ZNF704: variants seen among roughly 807,000 people sequenced by gnomAD.
ZNF704 encodes glucocorticoid induced gene 1.
In ZNF704, 10 loss-of-function variants were observed where a neutral mutation model predicts 44.7. The ratio of observed to expected loss-of-function variants is 0.22; its 90% confidence interval spans 0.14 to 0.38. ZNF704 has a LOEUF of 0.38. ZNF704 is among the 10% of genes least tolerant of loss of function. The pLI, the probability that ZNF704 is intolerant of heterozygous loss-of-function variation, is 1.00. For synonymous variants in ZNF704, 211 were observed against 207.6 expected (o/e 1.02, Z -0.14); for missense variants, 390 against 545.5 (o/e 0.71, Z 2.84).
At chr8:80,729,462 C>T (rs1331143301) in intron 2 of ZNF704, among the ~76,000 whole-genome samples, 1 of 152,110 alleles carries the variant, frequency 6.6e-6, no homozygotes, top group East Asian at 1.9e-4. Flanking sequence ...GCAGAAGGAG[C>T]TCAATAATGG....
intron 4 of ZNF704, among the ~76,000 whole-genome samples, chr8:80,676,926 G>T (rs1256934424): frequency 6.6e-6 from 1 of 152,230 alleles, no homozygotes; most frequent in African/African-American, 2.4e-5. Context: ...TGTGTGGCGG[G>T]GTTCCTAACC....
intron 2 of ZNF704, among the ~76,000 whole-genome samples, chr8:80,764,317 T>G (rs909201320): frequency 1.3e-5 from 2 of 152,148 alleles, no homozygotes; most frequent in African/African-American, 4.8e-5. Flanking sequence ...TCAGGAAACT[T>G]AGAGTCATGG....
At chr8:80,723,803 T>C (rs1433467496) in intron 2 of ZNF704, among the ~76,000 whole-genome samples, 2 of 152,206 alleles carry the variant, frequency 1.3e-5, no homozygotes, top group Non-Finnish European at 2.9e-5. Context: ...AGACCACCAA[T>C]CTAGAACAGC....
intron 7 of ZNF704, among the ~76,000 whole-genome samples, chr8:80,652,289 C>T (rs1817935142): frequency 6.6e-6 from 1 of 152,088 alleles, no homozygotes; most frequent in East Asian, 1.9e-4. Flanking sequence ...CATTCAAAAG[C>T]TAGCAGAAGG....
At chr8:80,795,053 T>C (rs1203240331) in intron 2 of ZNF704, among the ~76,000 whole-genome samples, 2 of 152,222 alleles carry the variant, frequency 1.3e-5, no homozygotes, top group African/African-American at 4.8e-5. Flanking sequence ...CGACAGATTT[T>C]ATTTCCTGGA....
intron 1 of ZNF704, among the ~76,000 whole-genome samples, chr8:80,850,348 T>G (rs1241116719): frequency 1.3e-5 from 2 of 152,212 alleles, no homozygotes; most frequent in Non-Finnish European, 2.9e-5. Context: ...GAACTCCATT[T>G]TAAAATCTCA....
chr8:80,751,959 G>T (rs577902029), intron 2 of ZNF704, among the ~76,000 whole-genome samples: 1 of 152,126 alleles, frequency 6.6e-6, no homozygotes, highest in South Asian at 2.1e-4. Context: ...GGCCAGGCTG[G>T]TCTCAAACTC....
chr8:80,746,665 T>C (rs772786473), intron 2 of ZNF704, among the ~76,000 whole-genome samples: 1 of 152,070 alleles, frequency 6.6e-6, no homozygotes, highest in African/African-American at 2.4e-5. Context: ...CTTTTACAAG[T>C]CCAATGGGGG....
intron 2 of ZNF704, among the ~76,000 whole-genome samples, chr8:80,804,286 A>G (rs1426411046): frequency 6.6e-6 from 1 of 152,198 alleles, no homozygotes; most frequent in African/African-American, 2.4e-5. Flanking sequence ...CAGACCTAGA[A>G]GCAGACATAC....
At chr8:80,676,314 T>A (rs1207711534) in intron 4 of ZNF704, among the ~76,000 whole-genome samples, 1 of 152,098 alleles carries the variant, frequency 6.6e-6, no homozygotes, top group Non-Finnish European at 1.5e-5. Context: ...TCTATGCTGA[T>A]GGGAGTGACT....
intron 1 of ZNF704, among the ~76,000 whole-genome samples, chr8:80,833,990 A>AG (rs1808514939): frequency 6.6e-6 from 1 of 152,176 alleles, no homozygotes; most frequent in Non-Finnish European, 1.5e-5. Context: ...TTCTAATGTC[A>AG]GAGGTCCTAT....
intron 2 of ZNF704, among the ~76,000 whole-genome samples, chr8:80,733,024 T>C (rs1352914532): frequency 1.3e-5 from 2 of 151,606 alleles, no homozygotes; most frequent in Non-Finnish European, 2.9e-5. Context: ...TAATCTTTCC[T>C]ATGAGAAAGA....
At chr8:80,882,633 A>G in the ZNF704 span, among the ~76,000 whole-genome samples, 1 of 152,156 alleles carries the variant, frequency 6.6e-6, no homozygotes, top group East Asian at 1.9e-4. Flanking sequence ...TTTACAAATT[A>G]TTCCTGTTTT....
chr8:80,771,965 T>C (rs1464720315), intron 2 of ZNF704, among the ~76,000 whole-genome samples: 8 of 152,246 alleles, frequency 5.3e-5, no homozygotes, highest in Admixed American at 5.2e-4. Context: ...CTTTAGCCTA[T>C]TAATGTGGTG....
At chr8:80,744,451 T>A (rs915670608) in intron 2 of ZNF704, among the ~76,000 whole-genome samples, 20 of 152,310 alleles carry the variant, frequency 1.3e-4, no homozygotes, top group African/African-American at 4.6e-4. Flanking sequence ...CACAAACTGC[T>A]AATCACATCA....
intron 1 of ZNF704, among the ~76,000 whole-genome samples, chr8:80,864,885 A>G (rs1384347172): frequency 6.6e-6 from 1 of 152,150 alleles, no homozygotes; most frequent in East Asian, 1.9e-4. Flanking sequence ...CCTTTTGGAT[A>G]ACAGCCAGGT....
Position 80,688,375 on chromosome 8 carries a change from T to C in ZNF704, c.326-917A>G, listed in dbSNP as rs373895765. 2.6e-5 allele frequency among the ~76,000 whole-genome samples: 4 copies of C among 152,350 alleles called. No homozygotes were observed. The East Asian group carries it at 7.7e-4, about 29-fold the overall frequency. ...CAACAAATAGTAATGCCTTACATTT[T>C]GTGAGTGTTTTACATTTTACAAAGC... On this transcript the variant is annotated intron_variant, in intron 3 of 8. Coordinates refer to ENST00000327835, the MANE Select transcript of ZNF704 (RefSeq NM_001033723.3).
chr8:80,847,726 TAACA>T (rs571264765), intron 1 of ZNF704, among the ~76,000 whole-genome samples: 227 of 152,042 alleles, frequency 1.5e-3, no homozygotes, highest in African/African-American at 5.3e-3. Context: ...AAGAGTGTTT[TAACA>T]AACAGTCTGA....
chr8:80,677,969 T>C (rs1363948738), intron 4 of ZNF704, among the ~76,000 whole-genome samples: 1 of 152,224 alleles, frequency 6.6e-6, no homozygotes, highest in Non-Finnish European at 1.5e-5. Flanking sequence ...TCAGGGGACA[T>C]CCATGGTGAT....
Sources: allele counts gnomAD v4.1 joint callset (sites outside exome capture counted in the v4.1 genomes callset), GRCh38; gene constraint gnomAD v4.1.1; transcripts MANE v1.5; gene names NCBI Gene and HGNC (gene_info 2026-07-23, HGNC 2026-07-21).